Variants in DLGAP2 observed in about 807,000 individuals in gnomAD.
DLGAP2 encodes the protein DLG associated protein 2, also known as disks large-associated protein 2.
Under a neutral mutation model 100.3 loss-of-function variants are expected in DLGAP2, and 26 were observed. The observed-to-expected ratio is 0.26, with a 90% CI of 0.19 to 0.36. DLGAP2 has a LOEUF of 0.36. DLGAP2 is among the 10% of genes least tolerant of loss of function. DLGAP2 has a pLI of 1.00. For synonymous variants in DLGAP2, 886 were observed against 630.1 expected, an observed-to-expected ratio of 1.41 and a Z score of -6.08; for missense variants, 1,858 against 1,453.2, an observed-to-expected ratio of 1.28 and a Z score of -4.53.
intron 14 of DLGAP2, among the ~76,000 whole-genome samples, chr8:1,698,275 C>T (rs541299384): frequency 3.3e-4 from 50 of 152,078 alleles, no homozygotes; most frequent in African/African-American, 1.2e-3. Context: ...TCCACATAAG[C>T]CATGCATGGG....
rs114178123 is a variant in DLGAP2 at position 1,562,586 on chromosome 8, G to A, written c.1231-3097G>A. 4.6e-3 allele frequency among the ~76,000 whole-genome samples: 216 copies of A among 46,980 alleles called. 24 individuals are homozygous for A. The highest frequency in any genetic ancestry group is 0.018 in the African/African-American group (208 of 11,270). The allele number at this position is 46,980 out of a possible 152,430, so 30.8% of individuals were successfully genotyped here. A position where few individuals can be genotyped will look rare whatever the true frequency, so the allele number is the denominator to read the frequency against. The stretch of plus-strand genomic sequence containing the variant: ...TGCCTCGTTGCTGGTGGACTGTGTG[G>A]TGTTGGGTGTCCGCGCCTCGTTGCT... On this transcript the variant is annotated intron_variant, in intron 5 of 14. Coordinates refer to ENST00000637795, the MANE Select transcript of DLGAP2 (RefSeq NM_001346810.2).
At chr8:1,533,522 G>T (rs948566802) in intron 4 of DLGAP2, among the ~76,000 whole-genome samples, 2 of 151,792 alleles carry the variant, frequency 1.3e-5, no homozygotes, top group Non-Finnish European at 2.9e-5. Context: ...AAAAAAGAAT[G>T]TGTTTTTCCT....
chr8:1,569,945 A>G lies in DLGAP2; in HGVS notation c.1442+4051A>G, dbSNP rs138707734. 1.5e-3 allele frequency among the ~76,000 whole-genome samples: 222 copies of G among 151,926 alleles called. 1 individual carries two copies. The highest frequency in any genetic ancestry group is 4.1e-3 in the African/African-American group (172 of 41,462). On this transcript the variant is annotated intron_variant, in intron 6 of 14. Transcript: ENST00000637795. The stretch of plus-strand genomic sequence containing the variant: ...GGAGGGCAGGGTAGATCTTCACCCC[A>G]TGGCACTGCTCTGTGGAGGGCAGTG...
chr8:1,269,059 T>C (rs1799526351), intron 3 of DLGAP2, among the ~76,000 whole-genome samples: 1 of 152,166 alleles, frequency 6.6e-6, no homozygotes, highest in Admixed American at 6.5e-5. Context: ...CAATAGGGCA[T>C]ACAGATGTGA....
chr8:1,489,914 T>C (rs139389672), intron 3 of DLGAP2, among the ~76,000 whole-genome samples: 1,537 of 152,228 alleles, frequency 0.01, 25 homozygotes, highest in African/African-American at 0.033. Flanking sequence ...TTTTTTAAGA[T>C]GGAGTCTCAC....
intron 3 of DLGAP2, among the ~76,000 whole-genome samples, chr8:1,327,380 G>A (rs181074139): frequency 1.1e-4 from 17 of 152,268 alleles, no homozygotes; most frequent in Admixed American, 1.0e-3. Context: ...AGAGTATTTT[G>A]GGCTCATGAG....
chr8:1,441,466 G>A (rs978519700), intron 3 of DLGAP2, among the ~76,000 whole-genome samples: 1 of 152,098 alleles, frequency 6.6e-6, no homozygotes, highest in South Asian at 2.1e-4. Flanking sequence ...GAGGTGGGCA[G>A]ATCACAAGGT....
chr8:1,444,593 A>G (rs1205972523), intron 3 of DLGAP2, among the ~76,000 whole-genome samples: 1 of 151,672 alleles, frequency 6.6e-6, no homozygotes, highest in Non-Finnish European at 1.5e-5. Context: ...TGATTCCGAG[A>G]ACCCTCCCTC....
intron 3 of DLGAP2, among the ~76,000 whole-genome samples, chr8:1,299,201 T>C (rs1800268846): frequency 1.3e-5 from 2 of 152,232 alleles, no homozygotes; most frequent in South Asian, 2.1e-4. Context: ...TGGTGGGTAC[T>C]GTGCAGGGCG....
intron 14 of DLGAP2, among the ~76,000 whole-genome samples, chr8:1,697,953 C>T (rs758014328): frequency 2.6e-5 from 4 of 152,200 alleles, no homozygotes; most frequent in East Asian, 1.9e-4. Context: ...TTTCCTCACA[C>T]GTTTTAAAGA....
chr8:1,631,920 A>G lies in DLGAP2; in HGVS notation c.1591-907A>G, dbSNP rs373468160. ...CTTGCCTTTTACTCTGCTGACAACT[A>G]AAGGAAAAGAACTAATCTGGTGTTT... On this transcript the variant is annotated intron_variant, in intron 7 of 14. Coordinates refer to ENST00000637795, the MANE Select transcript of DLGAP2 (RefSeq NM_001346810.2). 5.3e-5 allele frequency among the ~76,000 whole-genome samples: 8 copies of G among 152,232 alleles called. No homozygotes were observed. The East Asian group carries it at 1.3e-3, about 26-fold the overall frequency.
intron 3 of DLGAP2, among the ~76,000 whole-genome samples, chr8:1,415,278 C>G (rs953910269): frequency 1.3e-5 from 2 of 152,176 alleles, no homozygotes; most frequent in Non-Finnish European, 2.9e-5. Context: ...TTATGACTTT[C>G]TCTAGTGCGT....
intron 4 of DLGAP2, among the ~76,000 whole-genome samples, chr8:1,546,635 A>T (rs1387953241): frequency 1.3e-5 from 2 of 152,112 alleles, no homozygotes; most frequent in African/African-American, 4.8e-5. Flanking sequence ...TTGGGGTTGG[A>T]CACGATGGGA....
intron 2 of DLGAP2, among the ~76,000 whole-genome samples, chr8:1,040,525 C>T (rs1348673650): frequency 7.0e-5 from 10 of 142,728 alleles, no homozygotes; most frequent in East Asian, 6.4e-4. Flanking sequence ...GCTCGGTTTC[C>T]GTGGTCGGCT....
intron 5 of DLGAP2, among the ~76,000 whole-genome samples, chr8:1,555,713 C>A (rs1294655323): frequency 6.6e-6 from 1 of 152,256 alleles, no homozygotes; most frequent in Non-Finnish European, 1.5e-5. Context: ...TGGTGCCGGG[C>A]AGGCAGGGAG....
At chr8:1,138,009 T>C (rs1339322538) in intron 2 of DLGAP2, among the ~76,000 whole-genome samples, 1 of 152,074 alleles carries the variant, frequency 6.6e-6, no homozygotes, top group Non-Finnish European at 1.5e-5. Context: ...CATGTAGGAT[T>C]ACAGGCGTGA....
chr8:1,117,747 C>T (rs1199170286), intron 2 of DLGAP2, among the ~76,000 whole-genome samples: 2 of 152,180 alleles, frequency 1.3e-5, no homozygotes, highest in African/African-American at 2.4e-5. Context: ...GTAAGACACC[C>T]CCAGGGGGCT....
chr8:1,390,454 G>C (rs1046593118), intron 3 of DLGAP2, among the ~76,000 whole-genome samples: 1 of 152,140 alleles, frequency 6.6e-6, no homozygotes. Flanking sequence ...AGAACATCAG[G>C]GTTAGTTCCA....
intron 2 of DLGAP2, among the ~76,000 whole-genome samples, chr8:964,535 G>A (rs141713472): frequency 2.0e-5 from 3 of 152,236 alleles, no homozygotes; most frequent in South Asian, 4.1e-4. Context: ...TATTTGAAAC[G>A]TAAACAGAGT....
Sources: allele counts gnomAD v4.1 joint callset (sites outside exome capture counted in the v4.1 genomes callset), GRCh38; gene constraint gnomAD v4.1.1; transcripts MANE v1.5; gene names NCBI Gene and HGNC (gene_info 2026-07-23, HGNC 2026-07-21).